Variants in STAB1 observed in about 807,000 individuals in gnomAD.
STAB1 encodes the protein stabilin-1.
STAB1 carries 250 observed loss-of-function variants against 332.4 expected under a neutral mutation model. The ratio of observed to expected loss-of-function variants is 0.75; its 90% CI spans 0.68 to 0.84. The LOEUF (loss-of-function observed/expected upper bound fraction) is 0.84, where lower values mean the gene tolerates loss of function less well. STAB1 is among the 40% of genes least tolerant of loss of function. The probability of loss-of-function intolerance (pLI) is 0.00; values close to 1 mark genes in which losing one functional copy is unlikely to be tolerated. For missense variants in STAB1, 3,249 were observed against 3,489.7 expected, an observed-to-expected ratio of 0.93 and a Z score of 1.74; for synonymous variants, 1,475 against 1,390.4, an observed-to-expected ratio of 1.06 and a Z score of -1.35.
At position 52,512,612 on chromosome 3, in the gene STAB1, C is replaced by G. The variant is rs1024201487; in HGVS notation, c.2996C>G (p.Ala999Gly). The G allele has an allele frequency of 6.2e-7, 1 of 1,613,882 alleles. No individual in the cohort carries two copies. The highest frequency in any genetic ancestry group is 8.5e-7 in the Non-Finnish European group (1 of 1,180,022). ...GDIFRELEAN[A>G]HFSIFYQWLK... ...TTCCCTTAGGAGCTGGAGGCAAATG[C>G]CCACTTCTCCATCTTCTACCAATGG... The change falls in exon 28 of 69, where the codon GCC becomes GGC. Residue 999 changes from alanine (A) to glycine (G), a missense_variant. By Grantham distance (60) the Ala-to-Gly change is moderately conservative. Coordinates refer to ENST00000321725, the MANE Select transcript of STAB1 (RefSeq NM_015136.3).
intron 44 of STAB1, 29 bp from the exon 45 acceptor site, chr3:52,517,852 G>T: frequency 1.2e-6 from 2 of 1,611,762 alleles, no homozygotes; most frequent in South Asian, 2.2e-5. Flanking sequence ...GAAAGCCACT[G>T]ATACCTTCCT....
In STAB1 at chr3:52,505,652, C is replaced by T; in HGVS notation, c.1582-16C>T. On this transcript the variant is annotated splice_polypyrimidine_tract_variant and intron_variant, in intron 14 of 68. Coordinates refer to ENST00000321725, the MANE Select transcript of STAB1 (RefSeq NM_015136.3). ...CTGGCCATGCAACCCCCTGAGCCTC[C>T]CTTGCACCACCACAGAACTGTGGGC... 1.9e-6 allele frequency: 3 copies of T among 1,612,368 alleles called. No individual in the cohort carries two copies. The highest frequency in any genetic ancestry group is 1.3e-5 in the African/African-American group (1 of 75,034).
rs571074669 is a variant in STAB1, at chr3:52,499,670, C to T, written c.79-1496C>T. 9.3e-5 allele frequency among the ~76,000 whole-genome samples: 14 copies of T among 150,614 alleles called. No individual in the cohort carries two copies. The South Asian group carries it at 2.8e-3, about 30-fold the overall frequency. ...ATCCCAGCACTTTGGGAGGCCGAGGCGGGCGGATCACGAGGTCAGGAGATC... is the reference window on the plus strand; with the variant it reads ...ATCCCAGCACTTTGGGAGGCCGAGGTGGGCGGATCACGAGGTCAGGAGATC... On this transcript the variant is annotated intron_variant, in intron 1 of 68. Coordinates refer to ENST00000321725, the MANE Select transcript of STAB1 (RefSeq NM_015136.3).
intron 5 of STAB1, 100 bp from the exon 6 acceptor site, chr3:52,502,532 C>G: frequency 9.2e-7 from 1 of 1,089,478 alleles, no homozygotes; most frequent in Non-Finnish European, 1.4e-6. Context: ...GTTGTACCTG[C>G]CCGAGCTGAG....
chr3:52,514,860 A>T (rs761653090), intron 35 of STAB1, 31 bp downstream of exon 35: 6 of 1,612,858 alleles, frequency 3.7e-6, no homozygotes, highest in Non-Finnish European at 4.2e-6. Context: ...GAAGGCCGGC[A>T]CGGGAGTTCA....
intron 16 of STAB1, 105 bp from the exon 17 acceptor site, chr3:52,506,065 A>C: frequency 6.6e-7 from 1 of 1,512,688 alleles, no homozygotes; most frequent in Non-Finnish European, 9.0e-7. Flanking sequence ...TATAGCACAG[A>C]GCCTAGGGAC....
chr3:52,524,354 TGAC>T lies in STAB1; in HGVS notation c.*1_*3del. ...CACCCAGAGGATCCTCACAGTCAAGTGACGAGGCTGGGGCTGAAAGCAGAAGCA... is the reference window on the plus strand; with the variant it reads ...CACCCAGAGGATCCTCACAGTCAAGTGAGGCTGGGGCTGAAAGCAGAAGCA... On this transcript the variant is annotated stop_retained_variant and 3_prime_UTR_variant, in exon 69 of 69. Transcript: ENST00000321725. 6.2e-7 allele frequency: 1 copy of T among 1,613,748 alleles called. No homozygotes were observed.
Position 52,510,513 on chromosome 3 carries a change from G to A in STAB1, c.2787+6G>A. On this transcript the variant is annotated splice_donor_region_variant and intron_variant, in intron 25 of 68. Coordinates refer to ENST00000321725, the MANE Select transcript of STAB1 (RefSeq NM_015136.3). ...GCTATGTGGGCCCCGGGCAGGTGAG[G>A]TGCAGCAGAGAAGGGGTGGGGGCCT... is the stretch of plus-strand genomic sequence containing the variant. 6.2e-7 allele frequency: 1 copy of A among 1,611,438 alleles called. No individual in the cohort carries two copies. Among genetic ancestry groups the A allele is most frequent in the Non-Finnish European group, 8.5e-7 (1 of 1,178,758 alleles).
At position 52,517,412 on chromosome 3, in the gene STAB1, G is replaced by A; in HGVS notation, c.4563+19G>A. The stretch of plus-strand genomic sequence containing the variant: ...CCAGCAGGTCAGCATGGCAGGGTTG[G>A]ACATGGGGCATCATGCCATGCCCTC... On this transcript the variant is annotated intron_variant, in intron 43 of 68. Coordinates refer to ENST00000321725, the MANE Select transcript of STAB1 (RefSeq NM_015136.3). 2 of 1,591,472 alleles carry A rather than the reference G, an allele frequency of 1.3e-6. No individual in the cohort carries two copies. Among genetic ancestry groups the A allele is most frequent in the South Asian group, 2.3e-5 (2 of 87,278 alleles).
Position 52,520,704 on chromosome 3 carries a change from G to C in STAB1, c.5706+6G>C, listed in dbSNP as rs746277531. The C allele has an allele frequency of 6.2e-7, 1 of 1,612,512 alleles. No homozygotes were observed. Among genetic ancestry groups the C allele is most frequent in the South Asian group, 1.1e-5 (1 of 91,076 alleles). ...CTGAGGGGTCACAGGAGCAGGTACA[G>C]GGCTAGGGGCTGAGTGGGGGTGGTG... On this transcript the variant is annotated splice_donor_region_variant and intron_variant, in intron 54 of 68. Transcript: ENST00000321725.
chr3:52,498,776 G>GCCACCT (rs1708227087), intron 1 of STAB1, among the ~76,000 whole-genome samples: 1 of 152,234 alleles, frequency 6.6e-6, no homozygotes, highest in Admixed American at 6.5e-5. Flanking sequence ...CTCCTGCCAA[G>GCCACCT]CCTCTACCCT....
intron 50 of STAB1, 22 bp downstream of exon 50, chr3:52,519,586 G>A (rs1452499814): frequency 6.2e-7 from 1 of 1,610,188 alleles, no homozygotes; most frequent in South Asian, 1.1e-5. Context: ...GTGTGGGCCT[G>A]TCATTGTGGA....
intron 50 of STAB1, 97 bp from the exon 51 acceptor site, chr3:52,519,847 T>C: frequency 7.1e-7 from 1 of 1,409,574 alleles, no homozygotes; most frequent in South Asian, 1.4e-5. Flanking sequence ...TGTGGGTGAG[T>C]GTGGAGCCCC....
chr3:52,523,652 G>A lies in STAB1; in HGVS notation c.7291G>A (p.Ala2431Thr). ...GPDNSSWAPV[A>T]PGTVVVSRII... The stretch of plus-strand genomic sequence containing the variant: ...GGGCCTGACTCTGGTCTCCCTGCAG[G>A]CCCCAGGGACAGTTGTGGTTAGCCG... The change falls in exon 66 of 69, where the codon GCC becomes ACC. Residue 2431 changes from alanine (A) to threonine (T), a missense_variant and splice_region_variant. Physicochemically the swap from Ala to Thr is moderately conservative, Grantham distance 58 (BLOSUM62 0). Transcript: ENST00000321725. 1 of 1,612,904 alleles carries A rather than the reference G, an allele frequency of 6.2e-7. No homozygotes were observed. Among genetic ancestry groups the A allele is most frequent in the Non-Finnish European group, 8.5e-7 (1 of 1,179,982 alleles).
chr3:52,496,837 T>C (rs1708062776), intron 1 of STAB1, among the ~76,000 whole-genome samples: 1 of 152,214 alleles, frequency 6.6e-6, no homozygotes, highest in Non-Finnish European at 1.5e-5. Context: ...GCAGCAGTGC[T>C]GGCCACTCTA....
intron 55 of STAB1, 54 bp downstream of exon 55, chr3:52,521,059 G>T: frequency 1.4e-6 from 2 of 1,474,160 alleles, no homozygotes; most frequent in Non-Finnish European, 9.0e-7. Flanking sequence ...GAGAGCCAAG[G>T]CACAGCTCTG....
chr3:52,523,848 A>G (rs1200217368), intron 66 of STAB1, 23 bp from the exon 67 acceptor site: 12 of 1,590,686 alleles, frequency 7.5e-6, no homozygotes, highest in Non-Finnish European at 1.0e-5. Flanking sequence ...CGCCAGGTCA[A>G]CACTCTCCCT....
rs371086971 is a variant in STAB1 at position 52,513,215 on chromosome 3, C to T, written c.3244C>T (p.Arg1082Cys). 9.8e-5 allele frequency: 156 copies of T among 1,583,776 alleles called. No homozygotes were observed. The highest frequency in any genetic ancestry group is 1.8e-4 in the Middle Eastern group (1 of 5,616). The change falls in exon 30 of 69, where the codon CGC becomes TGC. Residue 1082 changes from arginine (R) to cysteine (C), a missense_variant. Arg to Cys is a radical substitution (Grantham distance 180). Coordinates refer to ENST00000321725, the MANE Select transcript of STAB1 (RefSeq NM_015136.3). ...AGTGGCCACCCTGAACCCCACCACACGCTGGGAGATTCGCAACATTAGTGG... is the reference window on the plus strand; with the variant it reads ...AGTGGCCACCCTGAACCCCACCACATGCTGGGAGATTCGCAACATTAGTGG... ...QEVATLNPTT[R>C]WEIRNISGRV...
chr3:52,516,899 T>C, intron 41 of STAB1, 85 bp from the exon 42 acceptor site: 2 of 1,598,712 alleles, frequency 1.3e-6, no homozygotes, highest in Non-Finnish European at 1.7e-6. Context: ...CCCTCTGACC[T>C]TTTCCTTTCT....
Sources: gnomAD v4.1 joint callset for allele counts (sites outside exome capture counted in the v4.1 genomes callset) on GRCh38, gnomAD v4.1.1 for gene constraint, MANE v1.5 for transcripts, NCBI Gene and HGNC (gene_info 2026-07-23, HGNC 2026-07-21) for gene names.